SDK1: variants seen among roughly 807,000 people sequenced by gnomAD.
SDK1 encodes the protein protein sidekick-1.
In SDK1, 157 loss-of-function variants were observed where a neutral mutation model predicts 245.5. The ratio of observed to expected loss-of-function variants is 0.64; its 90% CI spans 0.56 to 0.73. The LOEUF (loss-of-function observed/expected upper bound fraction) is 0.73. SDK1 is among the 30% of genes least tolerant of loss of function. SDK1 has a pLI of 0.00. For synonymous variants in SDK1, 1,647 were observed against 1,278.5 expected, an observed-to-expected ratio of 1.29 and a Z score of -6.15; for missense variants, 3,583 against 3,002.3, an observed-to-expected ratio of 1.19 and a Z score of -4.52.
chr7:3,761,033 C>G (rs948881026), intron 4 of SDK1, among the ~76,000 whole-genome samples: 1 of 152,158 alleles, frequency 6.6e-6, no homozygotes, highest in Non-Finnish European at 1.5e-5. Context: ...TGGGAACTTA[C>G]ATTTTCAATT....
chr7:3,845,211 A>T (rs1031556899), intron 5 of SDK1, among the ~76,000 whole-genome samples: 5 of 152,028 alleles, frequency 3.3e-5, no homozygotes, highest in African/African-American at 1.2e-4. Flanking sequence ...CCATTGAAAG[A>T]GAGGCCAGGT....
chr7:3,484,354 G>A (rs747187687), intron 1 of SDK1, among the ~76,000 whole-genome samples: 2 of 152,088 alleles, frequency 1.3e-5, no homozygotes, highest in Non-Finnish European at 2.9e-5. Context: ...CTACATATAT[G>A]GGGGCTGACT....
chr7:3,626,715 G>A (rs1374716709), intron 2 of SDK1, among the ~76,000 whole-genome samples: 2 of 152,160 alleles, frequency 1.3e-5, no homozygotes, highest in Non-Finnish European at 2.9e-5. Flanking sequence ...CATCAGTGTA[G>A]TAACGCCTTT....
chr7:3,634,609 T>C (rs540947426), intron 2 of SDK1, among the ~76,000 whole-genome samples: 4 of 152,316 alleles, frequency 2.6e-5, no homozygotes, highest in African/African-American at 9.6e-5. Flanking sequence ...TACTTTCTTA[T>C]AAAGAGCCAG....
intron 1 of SDK1, among the ~76,000 whole-genome samples, chr7:3,497,198 C>T (rs1190105364): frequency 2.0e-5 from 3 of 152,124 alleles, no homozygotes; most frequent in Admixed American, 2.0e-4. Context: ...AAGGCTGTTA[C>T]CACTCAGCGA....
chr7:3,811,794 G>A (rs368487228), intron 4 of SDK1, among the ~76,000 whole-genome samples: 287 of 152,352 alleles, frequency 1.9e-3, no homozygotes, highest in African/African-American at 6.2e-3. Flanking sequence ...CACGCCACCT[G>A]CAGAAGCAGC....
intron 4 of SDK1, among the ~76,000 whole-genome samples, chr7:3,744,926 TGCTTTTCTTTTTCCCTCACGAA>T (rs1377651231): frequency 6.6e-6 from 1 of 152,238 alleles, no homozygotes; most frequent in Non-Finnish European, 1.5e-5. Flanking sequence ...TTTGTGGTTA[TGCTTTTCTTTTTCCCTCACGAA>T]GGCCAAATCT....
intron 38 of SDK1, among the ~76,000 whole-genome samples, chr7:4,213,571 G>C (rs1482224449): frequency 6.6e-6 from 1 of 151,044 alleles, no homozygotes; most frequent in Non-Finnish European, 1.5e-5. Flanking sequence ...GTGACAGAGC[G>C]AGATTCTGTC....
intron 5 of SDK1, among the ~76,000 whole-genome samples, chr7:3,923,083 T>C (rs543794856): frequency 6.6e-6 from 1 of 152,378 alleles, no homozygotes; most frequent in South Asian, 2.1e-4. Flanking sequence ...TATTCTCATC[T>C]GAAAGTAGTC....
At chr7:3,330,869 G>A (rs1780052236) in intron 1 of SDK1, among the ~76,000 whole-genome samples, 1 of 150,040 alleles carries the variant, frequency 6.7e-6, no homozygotes, top group Non-Finnish European at 1.5e-5. Flanking sequence ...CTACTTGGAA[G>A]GCTGAGTTGG....
chr7:3,858,520 G>T (rs1780604396), intron 5 of SDK1, among the ~76,000 whole-genome samples: 1 of 152,068 alleles, frequency 6.6e-6, no homozygotes, highest in Non-Finnish European at 1.5e-5. Context: ...GAAGGATGAA[G>T]ACTGAATGTA....
intron 4 of SDK1, among the ~76,000 whole-genome samples, chr7:3,819,130 C>G (rs905631672): frequency 6.6e-6 from 1 of 151,992 alleles, no homozygotes; most frequent in Non-Finnish European, 1.5e-5. Flanking sequence ...ATGCTCTGTT[C>G]AGAAAGATTT....
At chr7:3,553,538 C>G (rs1438717026) in intron 1 of SDK1, among the ~76,000 whole-genome samples, 10 of 152,112 alleles carry the variant, frequency 6.6e-5, no homozygotes, top group Admixed American at 5.9e-4. Context: ...CAGACCTGGC[C>G]TTTCTTGACC....
At chr7:3,831,757 A>T (rs1445163168) in intron 5 of SDK1, among the ~76,000 whole-genome samples, 1 of 144,986 alleles carries the variant, frequency 6.9e-6, no homozygotes, top group Non-Finnish European at 1.5e-5. Flanking sequence ...GTATCTCATT[A>T]AAAAAAAAAT....
intron 1 of SDK1, among the ~76,000 whole-genome samples, chr7:3,613,310 G>A (rs1310200254): frequency 2.6e-5 from 4 of 152,134 alleles, no homozygotes; most frequent in Admixed American, 2.6e-4. Context: ...CTTTCTAGAT[G>A]AGCAGAAGAT....
intron 5 of SDK1, among the ~76,000 whole-genome samples, chr7:3,887,730 A>C (rs978391850): frequency 1.3e-5 from 2 of 152,002 alleles, no homozygotes; most frequent in African/African-American, 2.4e-5. Context: ...TTTCTTTTCT[A>C]CCTCTCCAAG....
intron 13 of SDK1, among the ~76,000 whole-genome samples, chr7:3,985,861 G>A (rs894814962): frequency 2.0e-5 from 3 of 152,156 alleles, no homozygotes; most frequent in South Asian, 2.1e-4. Flanking sequence ...AAAATGTAAT[G>A]AGTACATTTT....
Position 3,867,722 on chromosome 7 carries a change from C to A in SDK1, c.847+46139C>A, listed in dbSNP as rs542818331. On this transcript the variant is annotated intron_variant, in intron 5 of 44. Coordinates refer to ENST00000404826, the MANE Select transcript of SDK1 (RefSeq NM_152744.4). ...ATTCAAGATGAGATTTGGGTGGGGA[C>A]AAAGCCAAAGCACATCACTTAAAAT... Among the ~76,000 whole-genome samples, 5 of 152,296 alleles carry A rather than the reference C, an allele frequency of 3.3e-5. No homozygotes were observed. The East Asian group carries it at 9.6e-4, about 29-fold the overall frequency.
At chr7:3,757,125 C>G (rs1389835671) in intron 4 of SDK1, among the ~76,000 whole-genome samples, 1 of 152,166 alleles carries the variant, frequency 6.6e-6, no homozygotes, top group Non-Finnish European at 1.5e-5. Context: ...TTAGCACAGA[C>G]CCCACACATT....
Sources: gnomAD v4.1 joint callset for allele counts (sites outside exome capture counted in the v4.1 genomes callset) on GRCh38, gnomAD v4.1.1 for gene constraint, MANE v1.5 for transcripts, NCBI Gene and HGNC (gene_info 2026-07-23, HGNC 2026-07-21) for gene names.